Variants in VPS13B observed in about 807,000 individuals in gnomAD.
VPS13B encodes the protein intermembrane lipid transfer protein VPS13B.
VPS13B carries 285 observed loss-of-function variants against 426.4 expected under a neutral mutation model. That is an observed-to-expected ratio of 0.67 (90% confidence interval 0.61 to 0.74). The LOEUF (loss-of-function observed/expected upper bound fraction) is 0.74. Among genes scored for constraint, VPS13B ranks in the 30% least tolerant of loss-of-function variants. The pLI is 0.00. For missense variants in VPS13B, 4,537 were observed against 4,782.6 expected (o/e 0.95, Z 1.51); for synonymous variants, 1,676 against 1,676.4 (o/e 1.00, Z 0.01).
intron 17 of VPS13B, among the ~76,000 whole-genome samples, chr8:99,218,881 A>G (rs541809356): frequency 6.6e-6 from 1 of 152,286 alleles, no homozygotes; most frequent in Non-Finnish European, 1.5e-5. Context: ...TCTGCATCAG[A>G]AACAGTCGTT....
At position 99,217,299 on chromosome 8, in the gene VPS13B, T is replaced by C. The variant is rs887808598; in HGVS notation, c.2515+24242T>C. 3.9e-5 allele frequency among the ~76,000 whole-genome samples: 6 copies of C among 152,244 alleles called. No individual in the cohort carries two copies. In the South Asian group the frequency reaches 1.2e-3, roughly 32 times the overall value. On this transcript the variant is annotated intron_variant, in intron 17 of 61. Transcript: ENST00000357162. ...AGAATAGCCCTGTTGTTAGATACCA[T>C]TGTCATTCCTTTTTAACAGATGAGG...
chr8:99,319,226 C>T (rs901002699), intron 19 of VPS13B, among the ~76,000 whole-genome samples: 1 of 152,128 alleles, frequency 6.6e-6, no homozygotes, highest in Non-Finnish European at 1.5e-5. Flanking sequence ...CAAGTCTTGC[C>T]TGTGTATATG....
rs180177373 is a variant in VPS13B at position 99,870,878 on chromosome 8, AAT to A, written c.11489_11490del (p.Tyr3830CysfsTer30). ...GACCAGGCTCCAAACAGCCATGTCA[AAT>A]ATGTCTGGTAAAATTATTGAGATAC... On this transcript the variant is annotated frameshift_variant, in exon 60 of 62. Transcript: ENST00000357162. LOFTEE classifies it high-confidence loss of function. 6.2e-7 allele frequency: 1 copy of A among 1,614,132 alleles called. No individual in the cohort carries two copies. The highest frequency in any genetic ancestry group is 8.5e-7 in the Non-Finnish European group (1 of 1,179,948).
At chr8:99,544,888 T>G (rs1352468864) in intron 30 of VPS13B, among the ~76,000 whole-genome samples, 1 of 152,194 alleles carries the variant, frequency 6.6e-6, no homozygotes, top group Non-Finnish European at 1.5e-5. Context: ...TCCTTTAGAT[T>G]TCACCAAATC....
chr8:99,565,807 G>A (rs964296561), intron 31 of VPS13B, among the ~76,000 whole-genome samples: 2 of 152,096 alleles, frequency 1.3e-5, no homozygotes, highest in African/African-American at 2.4e-5. Flanking sequence ...TTGTGAGGAC[G>A]TCAAGCTAAG....
chr8:99,619,714 A>G (rs1165470679), intron 33 of VPS13B, among the ~76,000 whole-genome samples: 1 of 152,110 alleles, frequency 6.6e-6, no homozygotes, highest in African/African-American at 2.4e-5. Flanking sequence ...TCTACAAAAA[A>G]TTTAAAAATT....
intron 39 of VPS13B, among the ~76,000 whole-genome samples, chr8:99,739,146 G>A (rs1214648838): frequency 6.6e-6 from 1 of 152,210 alleles, no homozygotes; most frequent in Non-Finnish European, 1.5e-5. Flanking sequence ...TTTTCCAATG[G>A]TCTTAGCAAA....
At chr8:99,034,731 C>A (rs1208968956) in intron 2 of VPS13B, among the ~76,000 whole-genome samples, 1 of 152,090 alleles carries the variant, frequency 6.6e-6, no homozygotes, top group African/African-American at 2.4e-5. Context: ...CCTATGCTAG[C>A]CTTACTCTTA....
chr8:99,856,908 A>T (rs1816577854), intron 56 of VPS13B, among the ~76,000 whole-genome samples: 1 of 152,212 alleles, frequency 6.6e-6, no homozygotes, highest in South Asian at 2.1e-4. Flanking sequence ...GAGAGGCAGA[A>T]TAAAAATAAA....
chr8:99,319,853 T>C (rs1809878624), intron 19 of VPS13B, among the ~76,000 whole-genome samples: 1 of 152,178 alleles, frequency 6.6e-6, no homozygotes, highest in Non-Finnish European at 1.5e-5. Context: ...TCTCACAGAG[T>C]TGTTTTATGG....
At chr8:99,342,824 G>A (rs753183574) in intron 19 of VPS13B, among the ~76,000 whole-genome samples, 2 of 138,918 alleles carry the variant, frequency 1.4e-5, no homozygotes, top group African/African-American at 5.4e-5. Flanking sequence ...CCTCCATACC[G>A]TTTTCCATAA....
chr8:99,397,216 G>T (rs1814775555), intron 21 of VPS13B, among the ~76,000 whole-genome samples: 1 of 152,094 alleles, frequency 6.6e-6, no homozygotes, highest in Non-Finnish European at 1.5e-5. Context: ...CGTGATCTTG[G>T]CTCACTGCAA....
At position 99,818,837 on chromosome 8, in the gene VPS13B, C is replaced by T. The variant is rs145890213; in HGVS notation, c.8570C>T (p.Pro2857Leu). The change falls in exon 47 of 62, where the codon CCA becomes CTA. Residue 2857 changes from proline to leucine, a missense_variant. Transcript: ENST00000357162. ...QIIPGKGQEKPLQNIEPDLVH... is the reference protein window; with the variant it reads ...QIIPGKGQEKLLQNIEPDLVH... ...ATTCCAGGAAAAGGGCAGGAAAAAC[C>T]ACTGCAAAACATAGAACCTGACCTT... 8.1e-4 allele frequency: 1,306 copies of T among 1,613,770 alleles called. 4 individuals are homozygous for T. Among genetic ancestry groups the T allele is most frequent in the Middle Eastern group, 7.1e-3 (43 of 6,060 alleles).
At chr8:99,609,607 C>G (rs1203912161) in intron 33 of VPS13B, among the ~76,000 whole-genome samples, 1 of 152,176 alleles carries the variant, frequency 6.6e-6, no homozygotes, top group African/African-American at 2.4e-5. Context: ...AGTTGCACAT[C>G]TGCTTTTCCT....
intron 35 of VPS13B, among the ~76,000 whole-genome samples, chr8:99,693,855 A>G (rs1831810788): frequency 6.7e-6 from 1 of 150,060 alleles, no homozygotes; most frequent in African/African-American, 2.5e-5. Context: ...AAGTCTCAGG[A>G]TACAAAATGA....
intron 39 of VPS13B, among the ~76,000 whole-genome samples, chr8:99,729,151 C>T (rs549557555): frequency 5.6e-4 from 86 of 152,214 alleles, no homozygotes; most frequent in Non-Finnish European, 1.0e-3. Flanking sequence ...TTTACCAACA[C>T]GGCTGAATTT....
intron 25 of VPS13B, among the ~76,000 whole-genome samples, chr8:99,485,605 A>G (rs2133565756): frequency 6.6e-6 from 1 of 152,326 alleles, no homozygotes; most frequent in Non-Finnish European, 1.5e-5. Context: ...AAGGTTGGGA[A>G]GTACTACTAT....
In VPS13B at chr8:99,767,493, C is replaced by CAAAA. The variant is rs869220303; in HGVS notation, c.7247+545_7247+548dup. ...CCTAGGTGACAAAGTGCAACTCTCT[C>CAAAA]AAAAAAAAAAAAAAAAAAAAAAAAA... is the stretch of plus-strand genomic sequence containing the variant. On this transcript the variant is annotated intron_variant, in intron 40 of 61. Transcript: ENST00000357162. Among the ~76,000 whole-genome samples, 286 of 33,212 alleles carry CAAAA rather than the reference C, an allele frequency of 8.6e-3. 21 individuals are homozygous for CAAAA. The highest frequency in any genetic ancestry group is 0.046 in the East Asian group (43 of 934). The allele number at this position is 33,212 out of a possible 152,430, so 21.8% of individuals were successfully genotyped here. A position where few individuals can be genotyped will look rare whatever the true frequency, so the allele number is the denominator to read the frequency against.
chr8:99,209,441 T>G (rs1814935383), intron 17 of VPS13B: 1 of 152,528 alleles, frequency 6.6e-6, no homozygotes, highest in Non-Finnish European at 1.5e-5. Flanking sequence ...TCCTACTGAT[T>G]TTAATATAGG....
Sources: allele counts gnomAD v4.1 joint callset (sites outside exome capture counted in the v4.1 genomes callset), GRCh38; gene constraint gnomAD v4.1.1; transcripts MANE v1.5; gene names NCBI Gene and HGNC (gene_info 2026-07-23, HGNC 2026-07-21).